GPC5: variants seen among roughly 807,000 people sequenced by gnomAD.
The protein encoded by GPC5 is glypican 5.
GPC5 carries 47 observed loss-of-function variants against 53.9 expected under a neutral mutation model. That is an observed-to-expected ratio of 0.87 (90% CI 0.69 to 1.11). The LOEUF is 1.11. Among genes scored for constraint, GPC5 ranks in the 50% most tolerant of loss-of-function variants. GPC5 has a pLI of 0.00. For synonymous variants in GPC5, 286 were observed against 263.3 expected (o/e 1.09, Z -0.84); for missense variants, 748 against 713.1 (o/e 1.05, Z -0.56).
rs529613140 is a variant in GPC5 at position 92,830,617 on chromosome 13, AT to A, written c.1562-35657del. 7.2e-5 allele frequency among the ~76,000 whole-genome samples: 11 copies of A among 152,086 alleles called. No homozygotes were observed. The South Asian group carries it at 2.1e-3, about 29-fold the overall frequency. On this transcript the variant is annotated intron_variant, in intron 7 of 7. Coordinates refer to ENST00000377067, the MANE Select transcript of GPC5 (RefSeq NM_004466.6). ...AGAACACTGATACTTAAAGCATGGGATTTTTTTTAAAAAAGCTTTATATTAT... is the reference window on the plus strand; with the variant it reads ...AGAACACTGATACTTAAAGCATGGGATTTTTTTAAAAAAGCTTTATATTAT...
At chr13:92,424,269 C>T (rs1876720955) in intron 7 of GPC5, among the ~76,000 whole-genome samples, 1 of 151,938 alleles carries the variant, frequency 6.6e-6, no homozygotes, top group South Asian at 2.1e-4. Flanking sequence ...ATTTATTCTT[C>T]TTTCCAATTT....
intron 7 of GPC5, among the ~76,000 whole-genome samples, chr13:92,459,174 A>G (rs1291014424): frequency 6.6e-6 from 1 of 152,178 alleles, no homozygotes; most frequent in African/African-American, 2.4e-5. Flanking sequence ...TATTGAAAAT[A>G]TATTTTCTAG....
chr13:91,474,270 A>G lies in GPC5; in HGVS notation c.325+25348A>G, dbSNP rs906801441. On this transcript the variant is annotated intron_variant, in intron 2 of 7. Coordinates refer to ENST00000377067, the MANE Select transcript of GPC5 (RefSeq NM_004466.6). ...ATATTATACATATTGTTTATAGAAGATCTTGGAAGAATGCTATACCAAAAA... is the reference window on the plus strand; with the variant it reads ...ATATTATACATATTGTTTATAGAAGGTCTTGGAAGAATGCTATACCAAAAA... Among the ~76,000 whole-genome samples, 3 of 152,122 alleles carry G rather than the reference A, an allele frequency of 2.0e-5. No homozygotes were observed. In the East Asian group the frequency reaches 5.8e-4, roughly 29 times the overall value.
In GPC5 at chr13:92,636,901, C is replaced by T. The variant is rs184370177; in HGVS notation, c.1562-229381C>T. Among the ~76,000 whole-genome samples, 750 of 152,210 alleles carry T rather than the reference C, an allele frequency of 4.9e-3. 4 individuals carry two copies. Among genetic ancestry groups the T allele is most frequent in the Non-Finnish European group, 6.1e-3 (415 of 68,000 alleles). On this transcript the variant is annotated intron_variant, in intron 7 of 7. Transcript: ENST00000377067. ...CATGCTCAACATTGTCTTTTCCTTC[C>T]TATGTTTCCTATTTTGATGAATAGC...
At chr13:91,766,051 C>T (rs2037516785) in intron 5 of GPC5, among the ~76,000 whole-genome samples, 1 of 152,196 alleles carries the variant, frequency 6.6e-6, no homozygotes, top group African/African-American at 2.4e-5. Context: ...TACTCTTTCA[C>T]AAACACTGTT....
chr13:91,741,850 C>T (rs1350081399), intron 4 of GPC5, among the ~76,000 whole-genome samples: 2 of 152,090 alleles, frequency 1.3e-5, no homozygotes, highest in African/African-American at 4.8e-5. Flanking sequence ...ATAGTCGATT[C>T]TTTCAGAAAA....
At chr13:92,112,002 G>A (rs1413460838) in intron 6 of GPC5, among the ~76,000 whole-genome samples, 1 of 152,154 alleles carries the variant, frequency 6.6e-6, no homozygotes, top group Non-Finnish European at 1.5e-5. Context: ...AAGAAACAAT[G>A]AGACTAAAAG....
At chr13:92,385,891 C>T (rs922752740) in intron 7 of GPC5, among the ~76,000 whole-genome samples, 1 of 150,410 alleles carries the variant, frequency 6.6e-6, no homozygotes, top group East Asian at 2.0e-4. Context: ...TAAAAACATA[C>T]CCAAGTGACT....
At chr13:91,538,718 G>T (rs1886704523) in intron 2 of GPC5, among the ~76,000 whole-genome samples, 1 of 151,494 alleles carries the variant, frequency 6.6e-6, no homozygotes, top group African/African-American at 2.4e-5. Flanking sequence ...GAGTAGCTGG[G>T]ACTACAGGTG....
Position 92,527,172 on chromosome 13 carries a change from G to GAA in GPC5, c.1562-339109_1562-339108insAA, listed in dbSNP as rs1472056609. ...AGAAAGAAAGAAAGAAAGAAAGAAA[G>GAA]AGAAAGAAAGAAGAAAGAAAGAAAG... is the stretch of plus-strand genomic sequence containing the variant. On this transcript the variant is annotated intron_variant, in intron 7 of 7. Coordinates refer to ENST00000377067, the MANE Select transcript of GPC5 (RefSeq NM_004466.6). Among the ~76,000 whole-genome samples the GAA allele has an allele frequency of 6.4e-3, 389 of 60,818 alleles. 23 individuals carry two copies. The highest frequency in any genetic ancestry group is 9.4e-3 in the Non-Finnish European group (264 of 28,100). 39.9% of individuals were successfully genotyped at this position (60,818 alleles called of 152,430 possible).
At chr13:92,296,870 C>T (rs1009430900) in intron 7 of GPC5, among the ~76,000 whole-genome samples, 9 of 152,312 alleles carry the variant, frequency 5.9e-5, no homozygotes, top group Non-Finnish European at 8.8e-5. Flanking sequence ...GCGCTGTGCT[C>T]GATTTCTCGC....
rs540257134 is a variant in GPC5, at chr13:92,036,582, G to T, written c.1402-108248G>T. 1.1e-4 allele frequency among the ~76,000 whole-genome samples: 17 copies of T among 152,252 alleles called. No homozygotes were observed. In the East Asian group the frequency reaches 2.3e-3, roughly 21 times the overall value. ...TTAGTTTTGCTGTGAAATAGATTTT[G>T]CTTCAAACTTTATTTTGTTCTCCAC... is the stretch of plus-strand genomic sequence containing the variant. On this transcript the variant is annotated intron_variant, in intron 6 of 7. Coordinates refer to ENST00000377067, the MANE Select transcript of GPC5 (RefSeq NM_004466.6).
intron 7 of GPC5, among the ~76,000 whole-genome samples, chr13:92,598,547 T>C (rs143157151): frequency 3.9e-4 from 59 of 152,284 alleles, no homozygotes; most frequent in African/African-American, 1.3e-3. Context: ...TATTCTATGT[T>C]AGATAACTAT....
intron 7 of GPC5, among the ~76,000 whole-genome samples, chr13:92,737,915 T>A (rs924207881): frequency 3.3e-5 from 5 of 151,510 alleles, no homozygotes; most frequent in South Asian, 2.1e-4. Flanking sequence ...TACAGGCATG[T>A]GTCACCATGC....
At chr13:92,218,714 G>GCT (rs1359974241) in intron 7 of GPC5, among the ~76,000 whole-genome samples, 2 of 152,042 alleles carry the variant, frequency 1.3e-5, no homozygotes, top group Admixed American at 6.6e-5. Context: ...TTCAAATCCA[G>GCT]CTTTCCCGAA....
intron 6 of GPC5, among the ~76,000 whole-genome samples, chr13:92,014,350 T>G (rs1046467486): frequency 6.6e-6 from 1 of 152,164 alleles, no homozygotes; most frequent in Non-Finnish European, 1.5e-5. Flanking sequence ...TGGGCTTTCA[T>G]TGTGTTTCTT....
chr13:92,624,988 G>T (rs1185504079), intron 7 of GPC5, among the ~76,000 whole-genome samples: 5 of 152,108 alleles, frequency 3.3e-5, no homozygotes, highest in African/African-American at 1.2e-4. Flanking sequence ...CAATCCCCAG[G>T]ATTTAAATCC....
rs551014236 is a variant in GPC5 at position 91,738,210 on chromosome 13, ACTT to A, written c.1154+9549_1154+9551del. Reference sequence around the variant, plus strand: ...AGGAAAATTTTCTTTATAGATGTAAACTTCTTTTACAAAAGAGCAGGTTTTCAG... The same window carrying A: ...AGGAAAATTTTCTTTATAGATGTAAACTTTTACAAAAGAGCAGGTTTTCAG... On this transcript the variant is annotated intron_variant, in intron 4 of 7. Transcript: ENST00000377067. Among the ~76,000 whole-genome samples the A allele has an allele frequency of 3.4e-4, 52 of 151,544 alleles. 1 individual carries two copies. Among genetic ancestry groups the A allele is most frequent in the Admixed American group, 2.9e-3 (45 of 15,276 alleles).
At chr13:91,799,988 A>T (rs2038108322) in intron 5 of GPC5, among the ~76,000 whole-genome samples, 1 of 152,138 alleles carries the variant, frequency 6.6e-6, no homozygotes. Flanking sequence ...TATTAAAATG[A>T]AAGTATCAAG....
Sources: gnomAD v4.1 joint callset for allele counts (sites outside exome capture counted in the v4.1 genomes callset) on GRCh38, gnomAD v4.1.1 for gene constraint, MANE v1.5 for transcripts, NCBI Gene and HGNC (gene_info 2026-07-23, HGNC 2026-07-21) for gene names.